Variants in ATG16L2 observed in about 807,000 individuals in gnomAD.
ATG16L2 encodes autophagy related 16 like 2.
ATG16L2 carries 77 observed loss-of-function variants against 84.7 expected under a neutral mutation model. The ratio of observed to expected loss-of-function variants is 0.91; its 90% CI spans 0.76 to 1.10. The LOEUF is 1.10. ATG16L2 is among the 50% of genes least tolerant of loss of function. The pLI is 0.00. For missense variants in ATG16L2, 782 were observed against 817.6 expected (o/e 0.96, Z 0.53); for synonymous variants, 361 against 342.8 (o/e 1.05, Z -0.59).
chr11:72,817,999 C>T, intron 3 of ATG16L2, 144 bp downstream of exon 3: 1 of 761,168 alleles, frequency 1.3e-6, no homozygotes. Context: ...CAGGCCCTGA[C>T]CTGAAGCTGA....
rs1470178589 is a variant in ATG16L2 at position 72,819,857 on chromosome 11, T to C, written c.319-1811T>C. ...GCCTCCCGGGTTCACGCCATTCTCC[T>C]GCCTCAGCCTCCCGAGTAGCTGGGA... On this transcript the variant is annotated intron_variant, in intron 3 of 17. Transcript: ENST00000321297. Among the ~76,000 whole-genome samples the C allele has an allele frequency of 2.6e-5, 4 of 152,208 alleles. No individual in the cohort carries two copies. The East Asian group carries it at 7.7e-4, about 29-fold the overall frequency.
intron 5 of ATG16L2, among the ~76,000 whole-genome samples, chr11:72,835,585 C>G (rs947408102): frequency 5.9e-5 from 9 of 152,134 alleles, no homozygotes; most frequent in African/African-American, 2.2e-4. Flanking sequence ...GGATTTAACC[C>G]AGACCTCCTG....
intron 10 of ATG16L2, 90 bp from the exon 11 acceptor site, chr11:72,826,083 C>A: frequency 9.4e-7 from 1 of 1,060,946 alleles, no homozygotes; most frequent in Non-Finnish European, 1.4e-6. Flanking sequence ...GGGGGTGGGG[C>A]GGGAACTGAT....
chr11:72,822,067 T>C lies in ATG16L2; in HGVS notation c.416T>C (p.Val139Ala), dbSNP rs1198616759. The C allele has an allele frequency of 2.0e-6, 3 of 1,518,660 alleles. No homozygotes were observed. The highest frequency in any genetic ancestry group is 2.9e-5 in the African/African-American group (2 of 69,502). The allele number at this position is 1,518,660 out of a possible 1,614,324, so 94.1% of individuals were successfully genotyped here. A position where few individuals can be genotyped will look rare whatever the true frequency, so the allele number is the denominator to read the frequency against. The change falls in exon 5 of 18, where the codon GTG (valine) becomes GCG (alanine). Residue 139 changes from valine to alanine, a missense_variant. Coordinates refer to ENST00000321297, the MANE Select transcript of ATG16L2 (RefSeq NM_033388.2). This position sits in a 1 kb window ranked among gnomAD's most constrained non-coding sequence, Gnocchi z 4.2. Reference protein sequence around the residue: ...QSRLAALEARVAQLREARAQQ... With the variant: ...QSRLAALEARAAQLREARAQQ... Reference sequence around the variant, plus strand: ...AGGCTGGCAGCCCTGGAGGCCCGCGTGGCGCAGCTGCGAGAGGCGCGGGCG... The same window carrying C: ...AGGCTGGCAGCCCTGGAGGCCCGCGCGGCGCAGCTGCGAGAGGCGCGGGCG...
Position 72,822,562 on chromosome 11 carries a change from C to A in ATG16L2, c.710+19C>A, listed in dbSNP as rs750550696. ...TCAGCGAGTAAGAGTGGGGATGGGC[C>A]GGTCCGACCCTTGCGTTCTGCCTCC... On this transcript the variant is annotated intron_variant, in intron 6 of 17. Transcript: ENST00000321297. The surrounding 1 kb of genome is among the most constrained non-coding windows in gnomAD (Gnocchi z 4.2). 2 of 1,609,398 alleles carry A rather than the reference C, an allele frequency of 1.2e-6. No homozygotes were observed. The highest frequency in any genetic ancestry group is 1.7e-6 in the Non-Finnish European group (2 of 1,178,314).
rs762403296 is a variant in ATG16L2, at chr11:72,828,496, G to A, written c.1610G>A (p.Arg537His). 5.0e-6 allele frequency: 8 copies of A among 1,614,138 alleles called. No individual in the cohort carries two copies. The East Asian group carries it at 6.7e-5, about 13-fold the overall frequency. Residue 537 changes from arginine (R) to histidine (H), a missense_variant, in exon 15 of 18, where the codon CGC becomes CAC. Coordinates refer to ENST00000321297, the MANE Select transcript of ATG16L2 (RefSeq NM_033388.2). ...ATCGACCTGCGTGTCAGCAACATCC[G>A]CCAGGTGTTCAGGTACCAGCCTCAT... Reference protein sequence around the residue: ...KVIDLRVSNIRQVFRADGFKC... With the variant: ...KVIDLRVSNIHQVFRADGFKC...
exon 6 of ATG16L2, chr11:72,842,840 T>C (rs766244653): frequency 1.2e-6 from 2 of 1,612,142 alleles, no homozygotes; most frequent in African/African-American, 1.3e-5. Flanking sequence ...TCACAAAACA[T>C]ACTAGGGAGC....
At position 72,828,418 on chromosome 11, in the gene ATG16L2, G is replaced by A; in HGVS notation, c.1532G>A (p.Ser511Asn). Residue 511 changes from serine to asparagine, a missense_variant, in exon 15 of 18, where the codon AGC becomes AAC. Transcript: ENST00000321297. ...GGCCGGGTCACCTCCCTGAGCCTCA[G>A]CCACGACCAACTGCACCTGCTCAGC... ...VQGRVTSLSL[S>N]HDQLHLLSCS... 6.2e-7 allele frequency: 1 copy of A among 1,614,152 alleles called. No homozygotes were observed.
chr11:72,838,982 G>C (rs1860819978), intron 5 of ATG16L2: 2 of 910,140 alleles, frequency 2.2e-6, no homozygotes, highest in South Asian at 3.0e-5. Flanking sequence ...CACCCTAGGG[G>C]TCTCAGAAAT....
downstream of ATG16L2, among the ~76,000 whole-genome samples, chr11:72,834,283 C>A (rs1462358708): frequency 3.9e-5 from 6 of 152,124 alleles, no homozygotes; most frequent in African/African-American, 1.4e-4. Flanking sequence ...TGGGAGAGGG[C>A]TGGGCAGTCA....
chr11:72,821,783 G>A, intron 4 of ATG16L2, 42 bp downstream of exon 4: 2 of 1,521,326 alleles, frequency 1.3e-6, no homozygotes, highest in Non-Finnish European at 8.8e-7. Flanking sequence ...GCCCACCTCA[G>A]GGAGGCCCGG....
At chr11:72,823,681 T>G in intron 7 of ATG16L2, 1 of 463,474 alleles carries the variant, frequency 2.2e-6, no homozygotes, top group Non-Finnish European at 4.3e-6. Flanking sequence ...CTCCTGGGCA[T>G]TGCTGAGGTC....
rs886569928 is a variant in ATG16L2, at chr11:72,826,407, C to G, written c.1174-111C>G. On this transcript the variant is annotated intron_variant, in intron 11 of 17. Transcript: ENST00000321297. ...TTGGGCCGGAGGCTCCTTTGCCTGC[C>G]TTGGTGACCTGGGCCGTGGGAAACT... The G allele has an allele frequency of 3.1e-5, 46 of 1,488,556 alleles. No homozygotes were observed. In the East Asian group the frequency reaches 1.1e-3, roughly 35 times the overall value. The allele number at this position is 1,488,556 out of a possible 1,614,324, so 92.2% of individuals were successfully genotyped here. A position where few individuals can be genotyped will look rare whatever the true frequency, so the allele number is the denominator to read the frequency against.
intron 11 of ATG16L2, 134 bp from the exon 12 acceptor site, chr11:72,826,384 G>C: frequency 7.0e-7 from 1 of 1,425,262 alleles, no homozygotes. Context: ...CCTCCTCCTT[G>C]GGCCGGAGGC....
At chr11:72,839,783 G>C (rs928034027) in intron 5 of ATG16L2, among the ~76,000 whole-genome samples, 1 of 152,140 alleles carries the variant, frequency 6.6e-6, no homozygotes, top group African/African-American at 2.4e-5. Flanking sequence ...AGAAGAGATC[G>C]GATTGGCAGT....
intron 1 of ATG16L2, among the ~76,000 whole-genome samples, chr11:72,815,511 GC>G (rs1033998690): frequency 9.4e-5 from 14 of 148,688 alleles, no homozygotes; most frequent in Middle Eastern, 6.8e-3. Flanking sequence ...CCCAACCCCT[GC>G]CCCCCGCCCC....
At chr11:72,842,933 C>A in exon 6 of ATG16L2, 1 of 1,016,560 alleles carries the variant, frequency 9.8e-7, no homozygotes. Context: ...ACTAAAAGAG[C>A]ATCATACAGA....
In ATG16L2 at chr11:72,822,860, C is replaced by T; in HGVS notation, c.723C>T (p.Thr241=). 6.4e-7 allele frequency: 1 copy of T among 1,562,578 alleles called. No individual in the cohort carries two copies. The highest frequency in any genetic ancestry group is 8.7e-7 in the Non-Finnish European group (1 of 1,152,774). Residue 241 remains threonine, a synonymous_variant, in exon 7 of 18, where the codon ACC becomes ACT. Transcript: ENST00000321297. The surrounding 1 kb of genome is among the most constrained non-coding windows in gnomAD (Gnocchi z 4.2). ...RTVSISEGPD[T]LGDGMRERRE... ...TTACCTCTCCTAGGGGCCCGGACAC[C>T]CTAGGCGATGGGATGAGGGAGAGAA...
Position 72,822,810 on chromosome 11 carries a change from G to A in ATG16L2, c.711-38G>A. On this transcript the variant is annotated intron_variant, in intron 6 of 17. Coordinates refer to ENST00000321297, the MANE Select transcript of ATG16L2 (RefSeq NM_033388.2). The surrounding 1 kb of genome is among the most constrained non-coding windows in gnomAD (Gnocchi z 4.2). ...TGCTGGGGTCGGGAGGGGCTGGCTT[G>A]GTCCCTTGGCCTTTCTGAACTTCAT... 1 of 1,463,210 alleles carries A rather than the reference G, an allele frequency of 6.8e-7. No homozygotes were observed. Among genetic ancestry groups the A allele is most frequent in the East Asian group, 2.5e-5 (1 of 40,554 alleles). The allele number at this position is 1,463,210 out of a possible 1,614,324, so 90.6% of individuals were successfully genotyped here. A position where few individuals can be genotyped will look rare whatever the true frequency, so the allele number is the denominator to read the frequency against.
Sources: gnomAD v4.1 joint callset for allele counts (sites outside exome capture counted in the v4.1 genomes callset) on GRCh38, gnomAD v4.1.1 for gene constraint, Gnocchi (gnomAD v3.1) non-coding constraint, MANE v1.5 for transcripts, NCBI Gene and HGNC (gene_info 2026-07-23, HGNC 2026-07-21) for gene names.